The following GGCX variants were observed in gnomAD, a reference collection of about 807,000 sequenced individuals.
GGCX encodes the protein gamma-glutamyl carboxylase.
Under a neutral mutation model 88.5 loss-of-function variants are expected in GGCX, and 63 were observed. That is an observed-to-expected ratio of 0.71 (90% CI 0.58 to 0.88). The LOEUF (loss-of-function observed/expected upper bound fraction) is 0.88. GGCX is among the 40% of genes least tolerant of loss of function. The pLI, the probability that GGCX is intolerant of heterozygous loss-of-function variation, is 0.00. For missense variants in GGCX, 805 were observed against 932.9 expected (o/e 0.86, Z 1.79); for synonymous variants, 368 against 365.8 (o/e 1.01, Z -0.07).
At position 85,547,600 on chromosome 2, in the gene GGCX, G is replaced by C. The variant is rs1170789591; in HGVS notation, c.*2334C>G. Reference sequence around the variant, plus strand: ...CCAGTCAAGTAGGTACAGTGAGTTTGGCAAACAACATAGTGGCAAAGTATC... The same window carrying C: ...CCAGTCAAGTAGGTACAGTGAGTTTCGCAAACAACATAGTGGCAAAGTATC... On this transcript the variant is annotated 3_prime_UTR_variant, in exon 15 of 15. Coordinates refer to ENST00000233838, the MANE Select transcript of GGCX (RefSeq NM_000821.7). 6.6e-6 allele frequency: 1 copy of C among 152,182 alleles called. No homozygotes were observed. Among genetic ancestry groups the C allele is most frequent in the Non-Finnish European group, 1.5e-5 (1 of 68,026 alleles). The allele number at this position is 152,182 out of a possible 1,614,324, so 9.4% of individuals were successfully genotyped here. A position where few individuals can be genotyped will look rare whatever the true frequency, so the allele number is the denominator to read the frequency against.
At position 85,549,868 on chromosome 2, in the gene GGCX, T is replaced by G; in HGVS notation, c.*66A>C. 1 of 956,182 alleles carries G rather than the reference T, an allele frequency of 1.0e-6. No individual in the cohort carries two copies. Among genetic ancestry groups the G allele is most frequent in the Non-Finnish European group, 1.6e-6 (1 of 618,788 alleles). The allele number at this position is 956,182 out of a possible 1,614,324, so 59.2% of individuals were successfully genotyped here. A position where few individuals can be genotyped will look rare whatever the true frequency, so the allele number is the denominator to read the frequency against. ...CTTTTGAGAATTTTTTTCAAATAAA[T>G]GTCCATTGCATAGAATGGGTCTGTG... On this transcript the variant is annotated 3_prime_UTR_variant, in exon 15 of 15. Coordinates refer to ENST00000233838, the MANE Select transcript of GGCX (RefSeq NM_000821.7).
At chr2:85,551,736 CCCA>C in intron 11 of GGCX, 73 bp downstream of exon 11, 2 of 1,558,086 alleles carry the variant, frequency 1.3e-6, no homozygotes, top group Non-Finnish European at 1.8e-6. Flanking sequence ...CCTCTCCCCT[CCCA>C]CCACATGGAA....
chr2:85,552,182 C>T (rs1691990120), intron 10 of GGCX, among the ~76,000 whole-genome samples: 1 of 152,176 alleles, frequency 6.6e-6, no homozygotes, highest in Admixed American at 6.5e-5. Flanking sequence ...TTAGTAGCTA[C>T]CTGAGAAGGT....
intron 12 of GGCX, among the ~76,000 whole-genome samples, chr2:85,551,273 A>G (rs1283940065): frequency 1.3e-5 from 2 of 152,138 alleles, no homozygotes; most frequent in African/African-American, 2.4e-5. Context: ...CTGCTATGGT[A>G]AAATATTTTC....
chr2:85,551,318 T>C (rs1326822959), intron 12 of GGCX, among the ~76,000 whole-genome samples, 162 bp downstream of exon 12: 1 of 152,182 alleles, frequency 6.6e-6, no homozygotes, highest in Non-Finnish European at 1.5e-5. Flanking sequence ...CATCTAAGCT[T>C]TCTGCCATTG....
rs1186501429 is a variant in GGCX, at chr2:85,545,825, G to A, written c.*4109C>T. On this transcript the variant is annotated 3_prime_UTR_variant, in exon 15 of 15. Transcript: ENST00000233838. The stretch of plus-strand genomic sequence containing the variant: ...AATTATGAGCTTAGTTTTAAGGGTT[G>A]TATGATGTTTTCATCTGAGAAGTTC... 6.6e-6 allele frequency: 1 copy of A among 152,226 alleles called. No individual in the cohort carries two copies. The highest frequency in any genetic ancestry group is 2.4e-5 in the African/African-American group (1 of 41,420). 9.4% of individuals were successfully genotyped at this position (152,226 alleles called of 1,614,324 possible).
Position 85,550,133 on chromosome 2 carries a change from A to C in GGCX, c.2085-7T>G. The stretch of plus-strand genomic sequence containing the variant: ...GATACAAGTCATCAGGAAGCTGAAA[A>C]ACAGGAAAAAGCCGACCAAGTTCAA... On this transcript the variant is annotated splice_region_variant and splice_polypyrimidine_tract_variant and intron_variant, in intron 14 of 14. Coordinates refer to ENST00000233838, the MANE Select transcript of GGCX (RefSeq NM_000821.7). 1 of 1,611,760 alleles carries C rather than the reference A, an allele frequency of 6.2e-7. No homozygotes were observed. Among genetic ancestry groups the C allele is most frequent in the Non-Finnish European group, 8.5e-7 (1 of 1,177,892 alleles).
At chr2:85,551,426 G>A (rs866846044) in intron 12 of GGCX, 54 bp downstream of exon 12, 13 of 1,581,232 alleles carry the variant, frequency 8.2e-6, no homozygotes, top group Middle Eastern at 3.3e-4. Context: ...TGGGATTACT[G>A]GTGTGAGCTA....
intron 1 of GGCX, 81 bp from the exon 2 acceptor site, chr2:85,561,066 A>T: frequency 8.1e-7 from 1 of 1,239,456 alleles, no homozygotes; most frequent in Non-Finnish European, 1.2e-6. Context: ...CCAACAGCTC[A>T]GAGCTTCCGC....
intron 14 of GGCX, 76 bp from the exon 15 acceptor site, chr2:85,550,202 G>A: frequency 1.8e-6 from 2 of 1,086,832 alleles, no homozygotes; most frequent in Non-Finnish European, 2.8e-6. Flanking sequence ...CCCTTAGAAG[G>A]CACCTGGTCC....
intron 1 of GGCX, 135 bp from the exon 2 acceptor site, chr2:85,561,120 T>C (rs969499631): frequency 2.6e-6 from 2 of 783,600 alleles, no homozygotes; most frequent in Non-Finnish European, 4.5e-6. Flanking sequence ...GATCTGACTA[T>C]AGGAAACATC....
chr2:85,551,347 A>G (rs1691942065), intron 12 of GGCX, 133 bp downstream of exon 12: 1 of 898,470 alleles, frequency 1.1e-6, no homozygotes, highest in African/African-American at 1.6e-5. Flanking sequence ...ATTGTTAGAG[A>G]TGGGGTCTCA....
chr2:85,556,565 G>A (rs905886163), intron 4 of GGCX, among the ~76,000 whole-genome samples: 24 of 152,148 alleles, frequency 1.6e-4, no homozygotes, highest in African/African-American at 5.6e-4. Flanking sequence ...ACTGAAAAAG[G>A]GGAGGAATTT....
At chr2:85,553,604 T>C in intron 7 of GGCX, 107 bp from the exon 8 acceptor site, 1 of 1,118,138 alleles carries the variant, frequency 8.9e-7, no homozygotes, top group South Asian at 1.3e-5. Context: ...AGGAAAGTAG[T>C]TCTTCTTTTT....
rs1268973003 is a variant in GGCX, at chr2:85,546,039, T to G, written c.*3895A>C. ...CACTTGGATTACATTTCTACCAACA[T>G]CTGAATGGTGGTCCAGCTTGTCCTG... is the stretch of plus-strand genomic sequence containing the variant. On this transcript the variant is annotated 3_prime_UTR_variant, in exon 15 of 15. Transcript: ENST00000233838. 1 of 152,218 alleles carries G rather than the reference T, an allele frequency of 6.6e-6. No homozygotes were observed. Among genetic ancestry groups the G allele is most frequent in the Non-Finnish European group, 1.5e-5 (1 of 68,032 alleles). 9.4% of individuals were successfully genotyped at this position (152,218 alleles called of 1,614,324 possible). A position where few individuals can be genotyped will look rare whatever the true frequency, so the allele number is the denominator to read the frequency against.
intron 3 of GGCX, 47 bp downstream of exon 3, chr2:85,558,870 T>G: frequency 6.4e-7 from 1 of 1,554,702 alleles, no homozygotes; most frequent in Non-Finnish European, 8.9e-7. Context: ...TGCTTCTATT[T>G]CTGTGTTTCT....
chr2:85,551,419 G>T, intron 12 of GGCX, 61 bp downstream of exon 12: 6 of 1,562,454 alleles, frequency 3.8e-6, no homozygotes, highest in Admixed American at 1.7e-5. Context: ...AAGAAGCTGG[G>T]ATTACTGGTG....
intron 4 of GGCX, among the ~76,000 whole-genome samples, chr2:85,557,367 G>A (rs1416585714): frequency 6.6e-6 from 1 of 152,064 alleles, no homozygotes; most frequent in Non-Finnish European, 1.5e-5. Flanking sequence ...CACACCTGTT[G>A]TTCCAGCTAC....
Position 85,561,421 on chromosome 2 carries a change from A to G in GGCX, c.8T>C (p.Val3Ala). 6.4e-7 allele frequency: 1 copy of G among 1,572,926 alleles called. No individual in the cohort carries two copies. Among genetic ancestry groups the G allele is most frequent in the East Asian group, 2.3e-5 (1 of 43,706 alleles). ...CGAGGTCCGCGCGGACCCGGCAGACACCGCCATTGCTCTGCGGAGGAGGCA... is the reference window on the plus strand; with the variant it reads ...CGAGGTCCGCGCGGACCCGGCAGACGCCGCCATTGCTCTGCGGAGGAGGCA... MAVSAGSARTSPS... is the reference protein window; with the variant it reads MAASAGSARTSPS... Residue 3 changes from valine (V) to alanine (A), a missense_variant, in exon 1 of 15, where the codon GTG becomes GCG. Val to Ala is a moderately conservative substitution (Grantham distance 64, BLOSUM62 0). Transcript: ENST00000233838.
Sources: allele counts gnomAD v4.1 joint callset (sites outside exome capture counted in the v4.1 genomes callset), GRCh38; gene constraint gnomAD v4.1.1; transcripts MANE v1.5; gene names NCBI Gene and HGNC (gene_info 2026-07-23, HGNC 2026-07-21).